FREM2: variants seen among roughly 807,000 people sequenced by gnomAD.
FREM2 encodes FRAS1 related extracellular matrix 2.
In FREM2, 119 loss-of-function variants were observed where a neutral mutation model predicts 219.9. The ratio of observed to expected loss-of-function variants is 0.54; its 90% CI spans 0.47 to 0.63. FREM2 has a LOEUF of 0.63. Ranked by LOEUF, FREM2 falls within the 30% of genes least tolerant of loss-of-function variation. The pLI is 0.00. For synonymous variants in FREM2, 1,562 were observed against 1,522.8 expected (o/e 1.03, Z -0.60); for missense variants, 4,030 against 3,993.6 (o/e 1.01, Z -0.25).
chr13:38,850,825 A>T, intron 9 of FREM2, 119 bp from the exon 10 acceptor site: 1 of 1,101,264 alleles, frequency 9.1e-7, no homozygotes, highest in Non-Finnish European at 1.4e-6. Flanking sequence ...CATGCCAAAC[A>T]CTATTTATTG....
intron 2 of FREM2, among the ~76,000 whole-genome samples, chr13:38,755,564 C>T (rs139904877): frequency 6.6e-6 from 1 of 152,070 alleles, no homozygotes; most frequent in Non-Finnish European, 1.5e-5. Flanking sequence ...AAAAAACTTA[C>T]ACTACACTTT....
chr13:38,839,349 G>T (rs1876848348), intron 6 of FREM2, among the ~76,000 whole-genome samples: 1 of 152,162 alleles, frequency 6.6e-6, no homozygotes, highest in African/African-American at 2.4e-5. Context: ...ATCCCAGAGG[G>T]GCACCCGCCA....
chr13:38,712,161 T>C (rs1456596015), intron 2 of FREM2, among the ~76,000 whole-genome samples: 2 of 152,094 alleles, frequency 1.3e-5, no homozygotes, highest in Non-Finnish European at 2.9e-5. Flanking sequence ...CCCAAAGTGC[T>C]GGGATTACAG....
intron 2 of FREM2, among the ~76,000 whole-genome samples, chr13:38,754,883 G>GATT (rs1410276058): frequency 1.5e-3 from 125 of 83,966 alleles, no homozygotes; most frequent in Admixed American, 2.2e-3. Context: ...TGATGATGAT[G>GATT]ATGATGATGA....
At position 38,880,465 on chromosome 13, in the gene FREM2, G is replaced by A. The variant is rs758271544; in HGVS notation, c.9188G>A (p.Trp3063Ter). ...ATCAGGAGCACACCCTCACTGGCAT[G>A]GGAGATTGGTGCTGAAAACAGTCGA... ...REIRSTPSLA[W>*]EIGAENSRGT... Residue 3063 changes from tryptophan to a stop codon, truncating the protein, a stop_gained, in exon 24 of 24, where the codon TGG (tryptophan) becomes TAG (stop). Transcript: ENST00000280481. LOFTEE classifies it low-confidence loss of function (END_TRUNC). The A allele has an allele frequency of 6.2e-7, 1 of 1,614,056 alleles. No individual in the cohort carries two copies. The highest frequency in any genetic ancestry group is 8.5e-7 in the Non-Finnish European group (1 of 1,180,006).
Position 38,714,365 on chromosome 13 carries a change from T to C in FREM2, c.5263+16578T>C, listed in dbSNP as rs1870897573. On this transcript the variant is annotated intron_variant, in intron 2 of 23. Coordinates refer to ENST00000280481, the MANE Select transcript of FREM2 (RefSeq NM_207361.6). ...TATAGACATCAAATACTTCTGAAAG[T>C]GAAGTTATAATTTGTTGATCAAAAA... is the stretch of plus-strand genomic sequence containing the variant. 2.0e-5 allele frequency among the ~76,000 whole-genome samples: 3 copies of C among 152,120 alleles called. No homozygotes were observed. In the South Asian group the frequency reaches 6.2e-4, roughly 32 times the overall value.
Position 38,692,462 on chromosome 13 carries a change from T to G in FREM2, c.5118T>G (p.His1706Gln), listed in dbSNP as rs753551864. 1 of 1,613,750 alleles carries G rather than the reference T, an allele frequency of 6.2e-7. No individual in the cohort carries two copies. ...TTATCGTGACAGAGGCCCCTCAACA[T>G]GGATATCTTCTCAACCTGGACAAAG... ...LRFIVTEAPQHGYLLNLDKGN... is the reference protein window; with the variant it reads ...LRFIVTEAPQQGYLLNLDKGN... Residue 1706 changes from histidine to glutamine, a missense_variant, in exon 1 of 24, where the codon CAT becomes CAG. His to Gln is a conservative substitution (Grantham distance 24, BLOSUM62 0). Coordinates refer to ENST00000280481, the MANE Select transcript of FREM2 (RefSeq NM_207361.6).
intron 2 of FREM2, among the ~76,000 whole-genome samples, chr13:38,722,046 A>G (rs1322138202): frequency 6.6e-6 from 1 of 152,066 alleles, no homozygotes; most frequent in Non-Finnish European, 1.5e-5. Flanking sequence ...TAGAGGTAGT[A>G]TCTCACTCTG....
Position 38,880,275 on chromosome 13 carries a change from G to A in FREM2, c.9007-9G>A. 6.2e-7 allele frequency: 1 copy of A among 1,613,000 alleles called. No individual in the cohort carries two copies. The highest frequency in any genetic ancestry group is 8.5e-7 in the Non-Finnish European group (1 of 1,179,618). ...AGTATTTCCTAATAAATAGAGTTGT[G>A]CTTTCTAGGTCGCTCTAGGCCGAGA... On this transcript the variant is annotated splice_polypyrimidine_tract_variant and intron_variant, in intron 23 of 23. Transcript: ENST00000280481.
chr13:38,865,471 T>C lies in FREM2; in HGVS notation c.7983+865T>C, dbSNP rs546424933. Among the ~76,000 whole-genome samples the C allele has an allele frequency of 6.6e-5, 10 of 152,358 alleles. No homozygotes were observed. In the South Asian group the frequency reaches 2.1e-3, roughly 32 times the overall value. On this transcript the variant is annotated intron_variant, in intron 16 of 23. Coordinates refer to ENST00000280481, the MANE Select transcript of FREM2 (RefSeq NM_207361.6). ...ATAAGTAGGTTTATGCATTGAAGTG[T>C]TGAATGATATATAGACTATATAATG...
chr13:38,852,015 G>A, intron 11 of FREM2, 147 bp downstream of exon 11: 1 of 717,632 alleles, frequency 1.4e-6, no homozygotes, highest in South Asian at 1.6e-5. Context: ...AGGGGTACAA[G>A]TGCAATTTTG....
At chr13:38,742,465 G>C (rs897884086) in intron 2 of FREM2, among the ~76,000 whole-genome samples, 29 of 152,110 alleles carry the variant, frequency 1.9e-4, no homozygotes, top group African/African-American at 7.0e-4. Context: ...TCGATTTTTG[G>C]GTCTTCCATG....
chr13:38,843,886 C>T (rs943887928), intron 6 of FREM2, among the ~76,000 whole-genome samples: 12 of 148,256 alleles, frequency 8.1e-5, no homozygotes, highest in African/African-American at 3.0e-4. Context: ...AGGTAGTTAG[C>T]AGAGTTTTTT....
At chr13:38,789,106 A>G (rs562558552) in intron 6 of FREM2, among the ~76,000 whole-genome samples, 6 of 152,060 alleles carry the variant, frequency 3.9e-5, no homozygotes, top group African/African-American at 1.4e-4. Context: ...TATTTTTAGA[A>G]TCAAGTTTAT....
At chr13:38,859,139 T>G (rs1397198182) in intron 13 of FREM2, 148 bp from the exon 14 acceptor site, 7 of 717,164 alleles carry the variant, frequency 9.8e-6, no homozygotes, top group East Asian at 2.6e-5. Flanking sequence ...AATGTTATCA[T>G]GCCTGGGGAT....
rs1170570605 is a variant in FREM2 at position 38,813,464 on chromosome 13, TTCTCTCTCTCTCTCTCTCTC to T, written c.6019+28691_6019+28710del. ...GCAGCTTTATTATATGTTATTTGTT[TTCTCTCTCTCTCTCTCTCTC>T]TCTCTCTCTCTCTCTCTCTCTCTCT... On this transcript the variant is annotated intron_variant, in intron 6 of 23. Transcript: ENST00000280481. Among the ~76,000 whole-genome samples the T allele has an allele frequency of 1.9e-3, 115 of 60,446 alleles. 6 individuals carry two copies. Among genetic ancestry groups the T allele is most frequent in the African/African-American group, 7.5e-3 (105 of 14,000 alleles). 39.7% of individuals were successfully genotyped at this position (60,446 alleles called of 152,430 possible). A position where few individuals can be genotyped will look rare whatever the true frequency, so the allele number is the denominator to read the frequency against.
At chr13:38,810,972 G>T (rs909202566) in intron 6 of FREM2, among the ~76,000 whole-genome samples, 1 of 151,804 alleles carries the variant, frequency 6.6e-6, no homozygotes, top group African/African-American at 2.4e-5. Flanking sequence ...TTTTTATTAT[G>T]GCTTTAATCT....
In FREM2 at chr13:38,850,182, T is replaced by C. The variant is rs1390505886; in HGVS notation, c.6524T>C (p.Met2175Thr). The change falls in exon 9 of 24, where the codon ATG becomes ACG. Residue 2175 changes from methionine to threonine, a missense_variant. Met to Thr is a moderately conservative substitution (Grantham distance 81, BLOSUM62 -1). Transcript: ENST00000280481. The part of the protein sequence containing the change: ...YTRQGSAQVM[M>T]DFEERPNTDT... ...CGGCAGGGGTCTGCACAGGTGATGA[T>C]GGACTTTGAAGAACGCCCAAACACT... 2.5e-6 allele frequency: 4 copies of C among 1,614,078 alleles called. No homozygotes were observed. In the South Asian group the frequency reaches 3.3e-5, roughly 13 times the overall value.
intron 17 of FREM2, among the ~76,000 whole-genome samples, chr13:38,873,367 C>T (rs573450860): frequency 8.5e-5 from 13 of 152,298 alleles, no homozygotes; most frequent in Middle Eastern, 3.4e-3. Flanking sequence ...GGCCTGAATT[C>T]TAGTCATGAC....
Sources: allele counts gnomAD v4.1 joint callset (sites outside exome capture counted in the v4.1 genomes callset), GRCh38; gene constraint gnomAD v4.1.1; transcripts MANE v1.5; gene names NCBI Gene and HGNC (gene_info 2026-07-23, HGNC 2026-07-21).